LY96: variants seen among roughly 807,000 people sequenced by gnomAD.
LY96 encodes myeloid differentiation protein-2.
A neutral mutation model predicts 18.9 loss-of-function variants in LY96; 18 were observed. That is an observed-to-expected ratio of 0.95 (90% CI 0.66 to 1.41). LY96 has a LOEUF of 1.41. LY96 is among the 40% of genes most tolerant of loss of function. LY96 has a pLI of 0.00. For missense variants in LY96, 175 were observed against 182.4 expected, an observed-to-expected ratio of 0.96 and a Z score of 0.23; for synonymous variants, 66 against 62.6, an observed-to-expected ratio of 1.06 and a Z score of -0.26.
chr8:74,095,929 G>T, the LY96 span, among the ~76,000 whole-genome samples: 3 of 152,158 alleles, frequency 2.0e-5, no homozygotes, highest in East Asian at 5.8e-4. Flanking sequence ...CCACCTTCAC[G>T]TGTCTGAAAC....
At chr8:74,037,574 G>C in the LY96 span, among the ~76,000 whole-genome samples, 1 of 152,172 alleles carries the variant, frequency 6.6e-6, no homozygotes, top group African/African-American at 2.4e-5. Flanking sequence ...TGAAGCTTCA[G>C]TGAAGCTAAG....
chr8:74,026,653 TA>T, intron 3 of LY96, 135 bp from the exon 4 acceptor site: 1 of 658,266 alleles, frequency 1.5e-6, no homozygotes, highest in Non-Finnish European at 2.8e-6. Flanking sequence ...AGCCAGGGTA[TA>T]AAAGATTCAT....
At chr8:74,090,882 T>C in the LY96 span, among the ~76,000 whole-genome samples, 2 of 152,240 alleles carry the variant, frequency 1.3e-5, no homozygotes, top group East Asian at 1.9e-4. Context: ...ATTTAAATGA[T>C]AGAAAATGCA....
At chr8:74,025,622 TCCA>T (rs1816853621) in intron 3 of LY96, among the ~76,000 whole-genome samples, 4 of 129,714 alleles carry the variant, frequency 3.1e-5, no homozygotes, top group African/African-American at 1.2e-4. Context: ...GCCACTGCAC[TCCA>T]GCCTGGGCGA....
the LY96 span, among the ~76,000 whole-genome samples, chr8:74,046,050 G>A: frequency 6.6e-6 from 1 of 152,148 alleles, no homozygotes; most frequent in Non-Finnish European, 1.5e-5. Flanking sequence ...AGGTCAAGGC[G>A]GGTGGATCAC....
At chr8:74,066,488 CG>C in the LY96 span, among the ~76,000 whole-genome samples, 1 of 151,926 alleles carries the variant, frequency 6.6e-6, no homozygotes, top group East Asian at 1.9e-4. Flanking sequence ...GAATTCAGTA[CG>C]GTGGTAGGAT....
intron 3 of LY96, among the ~76,000 whole-genome samples, chr8:74,023,675 C>T (rs186873870): frequency 4.3e-4 from 66 of 152,252 alleles, no homozygotes; most frequent in African/African-American, 1.5e-3. Flanking sequence ...TTTCTCCGTT[C>T]AAATTTCCTG....
At chr8:74,031,009 G>T (rs1816961247), downstream of LY96, among the ~76,000 whole-genome samples, 1 of 152,226 alleles carries the variant, frequency 6.6e-6, no homozygotes, top group Non-Finnish European at 1.5e-5. Flanking sequence ...GCTGTTGCAT[G>T]GGGCTGGAAG....
the LY96 span, among the ~76,000 whole-genome samples, chr8:74,060,966 A>G: frequency 1.3e-5 from 2 of 152,174 alleles, no homozygotes; most frequent in East Asian, 1.9e-4. Context: ...CAAAATGTTG[A>G]GCATTTCTAT....
the LY96 span, among the ~76,000 whole-genome samples, chr8:74,036,299 G>T: frequency 1.3e-5 from 2 of 152,192 alleles, no homozygotes; most frequent in East Asian, 3.8e-4. Context: ...CTAAAAGATA[G>T]ATGTAGTTTC....
At chr8:74,028,125 G>A (rs369284978) in intron 4 of LY96, among the ~76,000 whole-genome samples, 2 of 152,154 alleles carry the variant, frequency 1.3e-5, no homozygotes, top group Non-Finnish European at 2.9e-5. Context: ...GCATAAGGGC[G>A]CTGGCTTTAA....
rs1816879144 is a variant in LY96 at position 74,026,730 on chromosome 8, GA to G, written c.332-52del. ...GTTAAGGTATACTCCATGCTACCAAGAAAAAAATATCACCTAACCGTGACCA... is the reference window on the plus strand; with the variant it reads ...GTTAAGGTATACTCCATGCTACCAAGAAAAAATATCACCTAACCGTGACCA... On this transcript the variant is annotated intron_variant, in intron 3 of 4. Transcript: ENST00000284818. 18 of 974,568 alleles carry G rather than the reference GA, an allele frequency of 1.8e-5. No homozygotes were observed. In the South Asian group the frequency reaches 2.2e-4, roughly 12 times the overall value. 60.4% of individuals were successfully genotyped at this position (974,568 alleles called of 1,614,324 possible).
the LY96 span, among the ~76,000 whole-genome samples, chr8:74,060,176 A>G: frequency 1.3e-5 from 2 of 152,230 alleles, no homozygotes; most frequent in Non-Finnish European, 2.9e-5. Context: ...GACGACGACG[A>G]CGACAACGAA....
At chr8:74,024,780 A>G (rs999418095) in intron 3 of LY96, among the ~76,000 whole-genome samples, 1 of 151,990 alleles carries the variant, frequency 6.6e-6, no homozygotes, top group Non-Finnish European at 1.5e-5. Flanking sequence ...GTTTCTTCTT[A>G]TCATTTTAGG....
Position 74,004,857 on chromosome 8 carries a change from A to C in LY96, c.174A>C (p.Lys58Asn). ...VNPCIELKRS[K>N]GLLHIFYIPR... ...CCTGTATAGAATTGAAAAGATCCAA[A>C]GGATTATTGCACATTTTCTACATTC... Residue 58 changes from lysine (K) to asparagine (N), a missense_variant, in exon 2 of 5, where the codon AAA becomes AAC. Transcript: ENST00000284818. 6.3e-7 allele frequency: 1 copy of C among 1,591,686 alleles called. No individual in the cohort carries two copies. Among genetic ancestry groups the C allele is most frequent in the East Asian group, 2.3e-5 (1 of 44,324 alleles).
chr8:74,026,752 G>T (rs1816879574), intron 3 of LY96, 37 bp from the exon 4 acceptor site: 11 of 1,223,864 alleles, frequency 9.0e-6, no homozygotes, highest in African/African-American at 1.5e-5. Flanking sequence ...ACCTAACCGT[G>T]ACCAATAACG....
intron 3 of LY96, among the ~76,000 whole-genome samples, chr8:74,017,732 G>C (rs1816673479): frequency 6.6e-6 from 1 of 152,204 alleles, no homozygotes; most frequent in Non-Finnish European, 1.5e-5. Context: ...CCAGAAGAGA[G>C]TGGTGGCCAA....
intron 3 of LY96, among the ~76,000 whole-genome samples, chr8:74,023,317 A>G: frequency 6.6e-6 from 1 of 152,180 alleles, no homozygotes; most frequent in Non-Finnish European, 1.5e-5. Flanking sequence ...CTGGGCTGGC[A>G]GCACCACAGC....
At chr8:74,070,204 G>A in the LY96 span, among the ~76,000 whole-genome samples, 2 of 151,396 alleles carry the variant, frequency 1.3e-5, no homozygotes, top group African/African-American at 4.9e-5. Flanking sequence ...CCATTCTCCT[G>A]CCTCAGCCTC....
Sources: allele counts gnomAD v4.1 joint callset (sites outside exome capture counted in the v4.1 genomes callset), GRCh38; gene constraint gnomAD v4.1.1; transcripts MANE v1.5; gene names NCBI Gene and HGNC (gene_info 2026-07-23, HGNC 2026-07-21).